Variants in SLC7A9 observed in about 807,000 individuals in gnomAD.
SLC7A9 encodes the protein solute carrier family 7 member 9.
A neutral mutation model predicts 54.1 loss-of-function variants in SLC7A9; 38 were observed. That is an observed-to-expected ratio of 0.70 (90% confidence interval 0.54 to 0.92). The LOEUF is 0.92. Among genes scored for constraint, SLC7A9 ranks in the 40% least tolerant of loss-of-function variants. SLC7A9 has a pLI of 0.00. For synonymous variants in SLC7A9, 264 were observed against 258.9 expected (o/e 1.02, Z -0.19); for missense variants, 537 against 636.1 (o/e 0.84, Z 1.68).
chr19:32,837,744 C>T (rs1029158903), intron 11 of SLC7A9, among the ~76,000 whole-genome samples: 13 of 152,064 alleles, frequency 8.5e-5, no homozygotes, highest in African/African-American at 2.7e-4. Context: ...GCTTTCAGTA[C>T]GCCTACACGT....
intron 9 of SLC7A9, among the ~76,000 whole-genome samples, chr19:32,854,495 G>A (rs1404649934): frequency 6.6e-6 from 1 of 152,266 alleles, no homozygotes; most frequent in Middle Eastern, 3.4e-3. Flanking sequence ...CCTTAGACAA[G>A]AAATCTACTC....
chr19:32,848,675 C>T (rs1037445487), intron 9 of SLC7A9, among the ~76,000 whole-genome samples: 21 of 152,238 alleles, frequency 1.4e-4, no homozygotes, highest in African/African-American at 4.3e-4. Context: ...AGCTCTGCAC[C>T]AAGTGGACCT....
At chr19:32,863,469 C>T (rs763032233) in intron 4 of SLC7A9, among the ~76,000 whole-genome samples, 19 of 152,196 alleles carry the variant, frequency 1.2e-4, no homozygotes, top group Non-Finnish European at 2.2e-4. Flanking sequence ...AAGTGATCCC[C>T]CCTCCTCAGC....
At chr19:32,846,255 T>G (rs751743735) in intron 9 of SLC7A9, among the ~76,000 whole-genome samples, 90 of 151,254 alleles carry the variant, frequency 6.0e-4, no homozygotes, top group Non-Finnish European at 1.0e-3. Flanking sequence ...GGTCAGGGAG[T>G]TCCCTTTCCT....
intron 10 of SLC7A9, 124 bp downstream of exon 10, chr19:32,843,729 CTT>C (rs1488657184): frequency 5.6e-6 from 4 of 718,878 alleles, no homozygotes; most frequent in Non-Finnish European, 1.0e-5. Context: ...TCCTGGGACT[CTT>C]TCTATATCTG....
At chr19:32,860,777 C>G in intron 6 of SLC7A9, 127 bp from the exon 7 acceptor site, 1 of 1,343,424 alleles carries the variant, frequency 7.4e-7, no homozygotes, top group Non-Finnish European at 1.0e-6. Flanking sequence ...TGCAGGAATT[C>G]CAGGTGAATT....
chr19:32,868,711 C>T (rs965387454), intron 1 of SLC7A9, 66 bp from the exon 2 acceptor site: 9 of 672,540 alleles, frequency 1.3e-5, no homozygotes, highest in Middle Eastern at 2.4e-4. Context: ...AGGGCTCATG[C>T]GCTGGGCCCC....
At chr19:32,861,281 G>A (rs1328145741) in intron 6 of SLC7A9, among the ~76,000 whole-genome samples, 3 of 149,522 alleles carry the variant, frequency 2.0e-5, no homozygotes, top group Admixed American at 6.7e-5. Flanking sequence ...GCAGTGAGCC[G>A]AGATCTCACC....
intron 12 of SLC7A9, among the ~76,000 whole-genome samples, chr19:32,831,851 G>A (rs2145791529): frequency 1.3e-5 from 2 of 152,340 alleles, no homozygotes; most frequent in South Asian, 4.1e-4. Flanking sequence ...GATGATGTCT[G>A]CATATCAGAC....
chr19:32,860,247 A>G, intron 7 of SLC7A9: 1 of 1,409,394 alleles, frequency 7.1e-7, no homozygotes, highest in Non-Finnish European at 9.2e-7. Flanking sequence ...CTAAGCGTGC[A>G]TAGTGAGCTC....
chr19:32,831,622 CTT>C (rs1222554970), intron 12 of SLC7A9, among the ~76,000 whole-genome samples: 4 of 152,190 alleles, frequency 2.6e-5, no homozygotes, highest in African/African-American at 9.6e-5. Context: ...AATTCCGTCT[CTT>C]TTGATGTACT....
At chr19:32,858,290 C>T in intron 9 of SLC7A9, 150 bp downstream of exon 9, 3 of 668,976 alleles carry the variant, frequency 4.5e-6, no homozygotes, top group Non-Finnish European at 8.2e-6. Context: ...GTTCAAGCTA[C>T]ATCCCTTCTC....
At chr19:32,847,933 G>A (rs148574986) in intron 9 of SLC7A9, among the ~76,000 whole-genome samples, 17,226 of 151,950 alleles carry the variant, frequency 0.11, 1,095 homozygotes, top group Middle Eastern at 0.16. Flanking sequence ...ACCCACCCAA[G>A]CTAAGCTTCA....
At chr19:32,855,915 C>T (rs1308266159) in intron 9 of SLC7A9, among the ~76,000 whole-genome samples, 2 of 152,154 alleles carry the variant, frequency 1.3e-5, no homozygotes, top group African/African-American at 4.8e-5. Context: ...CCTTTCCTGA[C>T]CTACAGCTGT....
intron 4 of SLC7A9, among the ~76,000 whole-genome samples, 159 bp downstream of exon 4, chr19:32,863,937 G>A (rs527256803): frequency 1.3e-5 from 2 of 152,274 alleles, no homozygotes; most frequent in South Asian, 4.1e-4. Context: ...CGGGCCTGGG[G>A]GTCCCCAGTG....
At position 32,858,497 on chromosome 19, in the gene SLC7A9, A is replaced by C. The variant is rs775580252; in HGVS notation, c.920T>G (p.Leu307Arg). The C allele has an allele frequency of 2.5e-6, 4 of 1,613,476 alleles. No homozygotes were observed. The highest frequency in any genetic ancestry group is 3.4e-6 in the Non-Finnish European group (4 of 1,179,972). ...ACCGATGGTTGAAAATGCCACAAAA[A>C]GTGGAACGATCCAAGAAGCAGGATA... ...VLYPASWIVP[L>R]FVAFSTIGAA... The change falls in exon 9 of 13, where the codon CTT becomes CGT. Residue 307 changes from leucine (L) to arginine (R), a missense_variant. Coordinates refer to ENST00000023064, the MANE Select transcript of SLC7A9 (RefSeq NM_014270.5).
At chr19:32,842,691 C>T (rs979656369) in intron 10 of SLC7A9, among the ~76,000 whole-genome samples, 1 of 152,050 alleles carries the variant, frequency 6.6e-6, no homozygotes, top group African/African-American at 2.4e-5. Flanking sequence ...CGGTTGACTG[C>T]AACCTCCGCC....
intron 7 of SLC7A9, 134 bp downstream of exon 7, chr19:32,860,469 TCAA>T: frequency 8.1e-7 from 1 of 1,234,888 alleles, no homozygotes; most frequent in South Asian, 1.5e-5. Context: ...AGACTCTGTC[TCAA>T]AAAAAAAAAA....
At chr19:32,839,552 CAAAAAAAA>C (rs913100576) in intron 11 of SLC7A9, among the ~76,000 whole-genome samples, 2 of 82,814 alleles carry the variant, frequency 2.4e-5, no homozygotes, top group African/African-American at 8.7e-5. Flanking sequence ...CACTCCGTCT[CAAAAAAAA>C]AAAAAAAAAA....
Sources: gnomAD v4.1 joint callset for allele counts (sites outside exome capture counted in the v4.1 genomes callset) on GRCh38, gnomAD v4.1.1 for gene constraint, MANE v1.5 for transcripts, NCBI Gene and HGNC (gene_info 2026-07-23, HGNC 2026-07-21) for gene names.